Variants in SLC12A9 observed in about 807,000 individuals in gnomAD.
SLC12A9 encodes solute carrier family 12 member 9, also known as CCC-interacting protein 1.
Under a neutral mutation model 66.0 loss-of-function variants are expected in SLC12A9, and 55 were observed. That is an observed-to-expected ratio of 0.83 (90% CI 0.67 to 1.04). The LOEUF (loss-of-function observed/expected upper bound fraction) is 1.04, where lower values mean the gene tolerates loss of function less well. Among genes scored for constraint, SLC12A9 ranks in the 50% least tolerant of loss-of-function variants. The pLI is 0.00. For missense variants in SLC12A9, 1,061 were observed against 1,241.9 expected, an observed-to-expected ratio of 0.85 and a Z score of 2.19; for synonymous variants, 577 against 569.0, an observed-to-expected ratio of 1.01 and a Z score of -0.20.
chr7:100,865,653 C>T (rs1255766174), intron 13 of SLC12A9, 66 bp from the exon 14 acceptor site: 10 of 1,559,222 alleles, frequency 6.4e-6, no homozygotes, highest in Middle Eastern at 2.3e-4. Context: ...TGTGTGGGAG[C>T]GTGGTGTAAA....
At position 100,826,893 on chromosome 7, in the gene SLC12A9, G is replaced by A. The variant is rs1341240353; in HGVS notation, n.74G>A. Reference sequence around the variant, plus strand: ...CAGTGCCCGGGTAGGGGTAGTCAGAGGCCGGCCCCTCCACTCCGAGGCCCA... The same window carrying A: ...CAGTGCCCGGGTAGGGGTAGTCAGAAGCCGGCCCCTCCACTCCGAGGCCCA... On this transcript the variant is annotated non_coding_transcript_exon_variant, in exon 1 of 2. Coordinates refer to the SLC12A9 transcript ENST00000461016. 4 of 1,472,224 alleles carry A rather than the reference G, an allele frequency of 2.7e-6. No individual in the cohort carries two copies. The East Asian group carries it at 7.8e-5, about 29-fold the overall frequency. 91.2% of individuals were successfully genotyped at this position (1,472,224 alleles called of 1,614,324 possible). A position where few individuals can be genotyped will look rare whatever the true frequency, so the allele number is the denominator to read the frequency against.
chr7:100,838,930 C>T (rs1167410416), intron 1 of SLC12A9, among the ~76,000 whole-genome samples: 2 of 152,222 alleles, frequency 1.3e-5, no homozygotes, highest in East Asian at 3.9e-4. Flanking sequence ...TTGTTCCGAT[C>T]TAATTACCGG....
chr7:100,860,566 G>C, intron 9 of SLC12A9: 1 of 379,756 alleles, frequency 2.6e-6, no homozygotes, highest in Non-Finnish European at 4.9e-6. Context: ...GCACTTTGAG[G>C]GATTCACTGG....
At chr7:100,837,370 C>A (rs776248470) in intron 1 of SLC12A9, 3 of 152,206 alleles carry the variant, frequency 2.0e-5, no homozygotes, top group Non-Finnish European at 4.4e-5. Context: ...ACGACCCGCC[C>A]GTAGCCACAC....
intron 1 of SLC12A9, among the ~76,000 whole-genome samples, chr7:100,843,736 T>C (rs188641729): frequency 1.5e-4 from 23 of 152,324 alleles, no homozygotes; most frequent in African/African-American, 3.8e-4. Flanking sequence ...AAGGACCTCA[T>C]TGGTTACAAA....
At chr7:100,844,635 C>G (rs1813866691) in intron 1 of SLC12A9, among the ~76,000 whole-genome samples, 1 of 152,064 alleles carries the variant, frequency 6.6e-6, no homozygotes, top group Non-Finnish European at 1.5e-5. Context: ...AAAAAGGACC[C>G]AGTCCACCTT....
chr7:100,836,652 C>T (rs1309544298), intron 1 of SLC12A9, among the ~76,000 whole-genome samples: 13 of 152,130 alleles, frequency 8.5e-5, no homozygotes, highest in Non-Finnish European at 1.8e-4. Flanking sequence ...TCCCTCCCCT[C>T]GGCTCACTCC....
At chr7:100,832,200 C>T (rs1378958720) in intron 1 of SLC12A9, among the ~76,000 whole-genome samples, 1 of 151,322 alleles carries the variant, frequency 6.6e-6, no homozygotes, top group Non-Finnish European at 1.5e-5. Context: ...CTCCGTCCCA[C>T]TCCCACCAAA....
rs556825489 is a variant in SLC12A9, at chr7:100,833,044, A to G, written n.228+5997A>G. The stretch of plus-strand genomic sequence containing the variant: ...TCTAGCCTCAGCCTCCCAAAGTCCT[A>G]TGATTACAGGTGTGATCCACTGCAC... On this transcript the variant is annotated intron_variant and non_coding_transcript_variant, in intron 1 of 1. Coordinates refer to the SLC12A9 transcript ENST00000461016. Among the ~76,000 whole-genome samples the G allele has an allele frequency of 7.9e-5, 12 of 152,194 alleles. No homozygotes were observed. The Middle Eastern group carries it at 0.014, about 173-fold the overall frequency.
chr7:100,832,378 G>A lies in SLC12A9; in HGVS notation n.228+5331G>A, dbSNP rs1813560645. Among the ~76,000 whole-genome samples, 4 of 152,116 alleles carry A rather than the reference G, an allele frequency of 2.6e-5. No homozygotes were observed. In the South Asian group the frequency reaches 8.3e-4, roughly 32 times the overall value. On this transcript the variant is annotated intron_variant and non_coding_transcript_variant, in intron 1 of 1. Coordinates refer to the SLC12A9 transcript ENST00000461016. ...AAAATAAAAAATAGCTGGGCGTGGT[G>A]GCATGTGGCTATGGTCTCTCAGACA...
chr7:100,865,892 C>G lies in SLC12A9; in HGVS notation c.2032C>G (p.Leu678Val). ...PPRAPGSPRA[L>V]NPQDYVATVA... ...CCGGGCTCCTGGGAGCCCCCGGGCC[C>G]TCAATCCCCAGGACTATGTGGCCAC... The change falls in exon 14 of 14, where the codon CTC (leucine) becomes GTC (valine). Residue 678 changes from leucine (L) to valine (V), a missense_variant. By Grantham distance (32) the Leu-to-Val change is conservative. Coordinates refer to ENST00000354161, the MANE Select transcript of SLC12A9 (RefSeq NM_020246.4). 1 of 1,613,692 alleles carries G rather than the reference C, an allele frequency of 6.2e-7. No individual in the cohort carries two copies. The highest frequency in any genetic ancestry group is 1.1e-5 in the South Asian group (1 of 91,084).
chr7:100,862,566 C>A (rs1448474753), intron 12 of SLC12A9, 115 bp from the exon 13 acceptor site: 1 of 1,272,462 alleles, frequency 7.9e-7, no homozygotes, highest in East Asian at 2.4e-5. Context: ...TTTATCCTTT[C>A]CCATGACCCC....
At position 100,856,935 on chromosome 7, in the gene SLC12A9, C is replaced by T. The variant is rs1814428673; in HGVS notation, c.516C>T (p.Ser172=). The T allele has an allele frequency of 1.2e-6, 2 of 1,612,890 alleles. No individual in the cohort carries two copies. Among genetic ancestry groups the T allele is most frequent in the South Asian group, 2.2e-5 (2 of 91,086 alleles). Residue 172 remains serine, a synonymous_variant, in exon 5 of 14, where the codon TCC becomes TCT. Transcript: ENST00000354161. ...QGYGWNLLYG[S]LLLGLVGGVC... is the part of the protein sequence containing the mutation. ...ACGGCTGGAACCTGCTGTATGGCTC[C>T]CTGCTGCTGGGCCTTGTGGGTGGGG... is the stretch of plus-strand genomic sequence containing the variant.
chr7:100,836,091 C>G (rs1023112702), intron 1 of SLC12A9, among the ~76,000 whole-genome samples: 67 of 152,316 alleles, frequency 4.4e-4, no homozygotes, highest in African/African-American at 1.5e-3. Flanking sequence ...GCCAAGCCCC[C>G]CCATGCCAGC....
At chr7:100,832,656 GTCT>G (rs1331121448) in intron 1 of SLC12A9, among the ~76,000 whole-genome samples, 1 of 152,120 alleles carries the variant, frequency 6.6e-6, no homozygotes, top group South Asian at 2.1e-4. Context: ...GGCTATATCA[GTCT>G]TCTTTACTAT....
At chr7:100,836,263 A>C (rs1299525415) in intron 1 of SLC12A9, among the ~76,000 whole-genome samples, 4 of 152,160 alleles carry the variant, frequency 2.6e-5, no homozygotes, top group Non-Finnish European at 5.9e-5. Context: ...AAGGGACAAG[A>C]AGCTCTTGGG....
At chr7:100,851,147 G>C (rs372521566), upstream of SLC12A9, among the ~76,000 whole-genome samples, 45 of 152,262 alleles carry the variant, frequency 3.0e-4, no homozygotes, top group East Asian at 6.4e-3. Context: ...GTGACCCACT[G>C]CACCCAGCTC....
At chr7:100,860,459 CT>C (rs1814678670) in intron 9 of SLC12A9, 2 of 565,682 alleles carry the variant, frequency 3.5e-6, no homozygotes, top group Non-Finnish European at 6.2e-6. Flanking sequence ...TTCACTGGCA[CT>C]TTTTGGGGTA....
At chr7:100,830,280 G>A (rs1328916027) in intron 1 of SLC12A9, among the ~76,000 whole-genome samples, 3 of 151,888 alleles carry the variant, frequency 2.0e-5, no homozygotes, top group African/African-American at 7.3e-5. Flanking sequence ...TGAACCCTGG[G>A]AGGCAGAGGT....
Sources: allele counts gnomAD v4.1 joint callset (sites outside exome capture counted in the v4.1 genomes callset), GRCh38; gene constraint gnomAD v4.1.1; transcripts MANE v1.5; gene names NCBI Gene and HGNC (gene_info 2026-07-23, HGNC 2026-07-21).